Variants in MAD1L1 observed in about 807,000 individuals in gnomAD.
The protein encoded by MAD1L1 is mitotic spindle assembly checkpoint protein MAD1.
In MAD1L1, 95 loss-of-function variants were observed where a neutral mutation model predicts 96.9. That is an observed-to-expected ratio of 0.98 (90% CI 0.83 to 1.16). The LOEUF (loss-of-function observed/expected upper bound fraction) is 1.16. Ranked by LOEUF, MAD1L1 falls within the 50% of genes most tolerant of loss-of-function variation. The probability of loss-of-function intolerance (pLI) is 0.00; values close to 1 mark genes in which losing one functional copy is unlikely to be tolerated. For synonymous variants in MAD1L1, 473 were observed against 396.6 expected (o/e 1.19, Z -2.29); for missense variants, 1,007 against 954.4 (o/e 1.06, Z -0.73).
intron 10 of MAD1L1, among the ~76,000 whole-genome samples, chr7:2,197,991 G>A (rs1457064562): frequency 6.6e-6 from 1 of 151,398 alleles, no homozygotes; most frequent in Admixed American, 6.6e-5. Flanking sequence ...TCCTCTAAGA[G>A]CAGGCCTGGG....
chr7:2,191,652 G>C (rs2128606872), intron 10 of MAD1L1, among the ~76,000 whole-genome samples: 1 of 152,102 alleles, frequency 6.6e-6, no homozygotes, highest in African/African-American at 2.4e-5. Context: ...AATGGCTTGA[G>C]CCCAGGAGGC....
intron 10 of MAD1L1, among the ~76,000 whole-genome samples, chr7:2,183,419 A>T (rs1301119884): frequency 6.6e-6 from 1 of 152,228 alleles, no homozygotes; most frequent in Admixed American, 6.5e-5. Context: ...CCAAAAGACT[A>T]AGAACAGACA....
chr7:2,227,455 G>C (rs1253315547), intron 3 of MAD1L1, among the ~76,000 whole-genome samples: 1 of 152,178 alleles, frequency 6.6e-6, no homozygotes, highest in Non-Finnish European at 1.5e-5. Context: ...TTGTCACAGG[G>C]GGGTGGTCAC....
At chr7:1,852,867 G>A (rs1418514222) in intron 18 of MAD1L1, among the ~76,000 whole-genome samples, 1 of 152,196 alleles carries the variant, frequency 6.6e-6, no homozygotes, top group East Asian at 1.9e-4. Flanking sequence ...CGCACGTGCT[G>A]AGCCTGGAAG....
Position 2,114,411 on chromosome 7 carries a change from G to T in MAD1L1, c.1073+34741C>A, listed in dbSNP as rs988783323. Among the ~76,000 whole-genome samples, 1 of 152,204 alleles carries T rather than the reference G, an allele frequency of 6.6e-6. No individual in the cohort carries two copies. Among genetic ancestry groups the T allele is most frequent in the African/African-American group, 2.4e-5 (1 of 41,466 alleles). ...CCAGCCGGGGCCAACACCAGAGGAC[G>T]CCATCCTCCTTAAGGCCACAAAGTG... On this transcript the variant is annotated intron_variant, in intron 11 of 18. Transcript: ENST00000265854. This position sits in a 1 kb window ranked among gnomAD's most constrained non-coding sequence, Gnocchi z 4.2.
chr7:1,946,544 C>T (rs1212689958), intron 16 of MAD1L1, among the ~76,000 whole-genome samples: 1 of 152,250 alleles, frequency 6.6e-6, no homozygotes, highest in Non-Finnish European at 1.5e-5. Flanking sequence ...AAGTTTGGAG[C>T]CTTCCTTTGA....
At chr7:1,979,569 G>C (rs575676316) in intron 15 of MAD1L1, among the ~76,000 whole-genome samples, 2 of 152,366 alleles carry the variant, frequency 1.3e-5, no homozygotes, top group East Asian at 1.9e-4. Flanking sequence ...CCTCTTGCCT[G>C]AGGACCCTGA....
intron 12 of MAD1L1, among the ~76,000 whole-genome samples, chr7:2,041,276 G>A (rs1033988321): frequency 2.6e-5 from 4 of 152,178 alleles, no homozygotes; most frequent in African/African-American, 9.6e-5. Flanking sequence ...ACACATGCCC[G>A]CACCTCCTAC....
In MAD1L1 at chr7:1,966,563, AAAAAAAAAAAAAAC is replaced by A. The variant is rs1293982281; in HGVS notation, c.1506-8858_1506-8845del. ...GGCTGAAATATCCCAAACTTGGCAA[AAAAAAAAAAAAAAC>A]AAAAAAAATCCCTAGAGATTCAAGA... On this transcript the variant is annotated intron_variant, in intron 15 of 18. Coordinates refer to ENST00000265854, the MANE Select transcript of MAD1L1 (RefSeq NM_001013836.2). 5.4e-5 allele frequency among the ~76,000 whole-genome samples: 5 copies of A among 92,910 alleles called. No individual in the cohort carries two copies. In the East Asian group the frequency reaches 8.3e-4, roughly 15 times the overall value. 61.0% of individuals were successfully genotyped at this position (92,910 alleles called of 152,430 possible).
At chr7:2,096,342 G>A (rs938538622) in intron 11 of MAD1L1, among the ~76,000 whole-genome samples, 1 of 152,172 alleles carries the variant, frequency 6.6e-6, no homozygotes, top group Admixed American at 6.5e-5. Flanking sequence ...GACCCTCTGC[G>A]CCTGCACACA....
chr7:1,893,092 T>C (rs1379530369), intron 18 of MAD1L1, among the ~76,000 whole-genome samples: 1 of 152,148 alleles, frequency 6.6e-6, no homozygotes, highest in Non-Finnish European at 1.5e-5. Context: ...CAGGAAGCTC[T>C]AGGGACTCTG....
At chr7:1,938,903 GCACACA>G (rs367763521) in intron 16 of MAD1L1, among the ~76,000 whole-genome samples, 27 of 81,886 alleles carry the variant, frequency 3.3e-4, no homozygotes, top group African/African-American at 7.5e-4. Flanking sequence ...CCAGAGGCGC[GCACACA>G]CACACACACA....
chr7:2,100,003 T>A (rs1786694774), intron 11 of MAD1L1, among the ~76,000 whole-genome samples: 1 of 152,192 alleles, frequency 6.6e-6, no homozygotes, highest in African/African-American at 2.4e-5. Context: ...TCCTTACAGG[T>A]AGAGGTCATT....
intron 10 of MAD1L1, among the ~76,000 whole-genome samples, chr7:2,159,779 G>A (rs1216126391): frequency 2.0e-5 from 3 of 152,162 alleles, no homozygotes; most frequent in Admixed American, 1.3e-4. Context: ...TGGAACTTGT[G>A]TAAGAGGAAA....
intron 10 of MAD1L1, among the ~76,000 whole-genome samples, chr7:2,189,588 T>C (rs1254057942): frequency 6.6e-6 from 1 of 152,156 alleles, no homozygotes; most frequent in Non-Finnish European, 1.5e-5. Context: ...AGGTCCCTAC[T>C]GTAGTAAAAA....
intron 10 of MAD1L1, among the ~76,000 whole-genome samples, chr7:2,160,286 G>A (rs555717153): frequency 6.7e-6 from 1 of 149,778 alleles, no homozygotes; most frequent in African/African-American, 2.4e-5. Context: ...ATGGCCTCCT[G>A]CTGGAGAACA....
chr7:2,196,558 G>A (rs1049181579), intron 10 of MAD1L1, among the ~76,000 whole-genome samples: 28 of 152,236 alleles, frequency 1.8e-4, no homozygotes, highest in African/African-American at 6.3e-4. Context: ...TGCTGTGCTC[G>A]TCACAGCGTC....
At chr7:1,888,722 T>G (rs1786343810) in intron 18 of MAD1L1, among the ~76,000 whole-genome samples, 2 of 152,098 alleles carry the variant, frequency 1.3e-5, no homozygotes, top group Admixed American at 1.3e-4. Context: ...CCCGTGCATG[T>G]GGGTGGCTGT....
At chr7:2,080,465 T>C (rs1277593108) in intron 11 of MAD1L1, among the ~76,000 whole-genome samples, 1 of 152,186 alleles carries the variant, frequency 6.6e-6, no homozygotes, top group African/African-American at 2.4e-5. Flanking sequence ...CCTCGGCCAC[T>C]GCAGATGCAC....
Sources: allele counts gnomAD v4.1 joint callset (sites outside exome capture counted in the v4.1 genomes callset), GRCh38; gene constraint gnomAD v4.1.1; non-coding constraint Gnocchi (gnomAD v3.1); transcripts MANE v1.5; gene names NCBI Gene and HGNC (gene_info 2026-07-23, HGNC 2026-07-21).